KCNJ3: variants seen among roughly 807,000 people sequenced by gnomAD.
The protein encoded by KCNJ3 is potassium inwardly rectifying channel subfamily J member 3.
KCNJ3 carries 4 observed loss-of-function variants against 39.2 expected under a neutral mutation model. The ratio of observed to expected loss-of-function variants is 0.10; its 90% confidence interval spans 0.05 to 0.23. The LOEUF is 0.23. Ranked by LOEUF, KCNJ3 falls within the 10% of genes least tolerant of loss-of-function variation. The probability of loss-of-function intolerance (pLI) is 1.00; values close to 1 mark genes in which losing one functional copy is unlikely to be tolerated. For missense variants in KCNJ3, 276 were observed against 634.9 expected, an observed-to-expected ratio of 0.43 and a Z score of 6.08; for synonymous variants, 230 against 237.4, an observed-to-expected ratio of 0.97 and a Z score of 0.29.
rs187420812 is a variant in KCNJ3 at position 154,793,947 on chromosome 2, T to A, written c.920-60780T>A. Among the ~76,000 whole-genome samples, 380 of 151,756 alleles carry A rather than the reference T, an allele frequency of 2.5e-3. 2 individuals are homozygous for A. The highest frequency in any genetic ancestry group is 7.3e-3 in the African/African-American group (303 of 41,440). On this transcript the variant is annotated intron_variant, in intron 2 of 2. Transcript: ENST00000295101. ...CCCAAACATTATGGTATATATATAT[T>A]TTTTTTTCCTGAAGCAAATGCCTTG...
intron 2 of KCNJ3, among the ~76,000 whole-genome samples, chr2:154,759,385 C>A (rs1358217176): frequency 6.6e-6 from 1 of 150,892 alleles, no homozygotes; most frequent in Non-Finnish European, 1.5e-5. Flanking sequence ...TGCAATATAC[C>A]TAAAGGACCT....
At chr2:154,833,767 G>A (rs1687402857) in intron 2 of KCNJ3, among the ~76,000 whole-genome samples, 1 of 152,082 alleles carries the variant, frequency 6.6e-6, no homozygotes, top group South Asian at 2.1e-4. Flanking sequence ...TTTCTAGAAT[G>A]TTATATAGTT....
At chr2:154,735,671 A>T (rs1488018788) in intron 2 of KCNJ3, among the ~76,000 whole-genome samples, 1 of 152,180 alleles carries the variant, frequency 6.6e-6, no homozygotes, top group African/African-American at 2.4e-5. Context: ...TAAAAATGGA[A>T]CTAGACATAC....
chr2:154,795,540 A>G (rs1686707445), intron 2 of KCNJ3, among the ~76,000 whole-genome samples: 1 of 152,034 alleles, frequency 6.6e-6, no homozygotes, highest in Non-Finnish European at 1.5e-5. Flanking sequence ...TAAATCAGTA[A>G]TCTGTTGCAG....
At chr2:154,822,812 A>C (rs1687207038) in intron 2 of KCNJ3, among the ~76,000 whole-genome samples, 1 of 152,050 alleles carries the variant, frequency 6.6e-6, no homozygotes, top group Admixed American at 6.6e-5. Context: ...AGTTGAATAA[A>C]ATAATCTGAT....
At chr2:154,824,062 G>T (rs1458522742) in intron 2 of KCNJ3, among the ~76,000 whole-genome samples, 3 of 151,940 alleles carry the variant, frequency 2.0e-5, no homozygotes, top group African/African-American at 7.2e-5. Flanking sequence ...GCCTGATGTA[G>T]TGTGGCTCAC....
At chr2:154,718,373 T>G (rs895489464) in intron 2 of KCNJ3, among the ~76,000 whole-genome samples, 2 of 152,168 alleles carry the variant, frequency 1.3e-5, no homozygotes, top group Non-Finnish European at 2.9e-5. Flanking sequence ...TGTAGAAATT[T>G]TCTGCAGACT....
At chr2:154,841,300 T>C (rs1241881155) in intron 2 of KCNJ3, among the ~76,000 whole-genome samples, 1 of 152,172 alleles carries the variant, frequency 6.6e-6, no homozygotes, top group East Asian at 1.9e-4. Context: ...TTGTGGTGGA[T>C]AAGCTTTTTG....
At chr2:154,762,918 T>A (rs1342882832) in intron 2 of KCNJ3, among the ~76,000 whole-genome samples, 1 of 152,182 alleles carries the variant, frequency 6.6e-6, no homozygotes, top group Admixed American at 6.5e-5. Context: ...GAGGAGTGGA[T>A]AAAATGCCTT....
At chr2:154,809,839 C>T (rs1574470559) in intron 2 of KCNJ3, among the ~76,000 whole-genome samples, 1 of 151,826 alleles carries the variant, frequency 6.6e-6, no homozygotes, top group Non-Finnish European at 1.5e-5. Context: ...AAAGAAATAA[C>T]ATTGTCTATT....
chr2:154,732,798 G>C (rs755340531), intron 2 of KCNJ3, among the ~76,000 whole-genome samples: 1 of 152,028 alleles, frequency 6.6e-6, no homozygotes, highest in Non-Finnish European at 1.5e-5. Context: ...AAACAATCTG[G>C]CAAGATATCA....
chr2:154,777,947 C>A (rs1450868912), intron 2 of KCNJ3, among the ~76,000 whole-genome samples: 1 of 152,098 alleles, frequency 6.6e-6, no homozygotes, highest in Non-Finnish European at 1.5e-5. Context: ...GTTCAATAAA[C>A]CACTTCATCT....
chr2:154,777,659 C>T (rs1416364139), intron 2 of KCNJ3, among the ~76,000 whole-genome samples: 1 of 152,082 alleles, frequency 6.6e-6, no homozygotes, highest in Non-Finnish European at 1.5e-5. Flanking sequence ...GTGGTATATC[C>T]TGTTTAAATA....
chr2:154,809,377 G>C (rs1220075226), intron 2 of KCNJ3, among the ~76,000 whole-genome samples: 4 of 152,174 alleles, frequency 2.6e-5, no homozygotes, highest in African/African-American at 4.8e-5. Context: ...GAGAAGAGCA[G>C]TGAATGATCT....
chr2:154,849,201 G>A (rs767101768), intron 2 of KCNJ3, among the ~76,000 whole-genome samples: 6 of 152,112 alleles, frequency 3.9e-5, no homozygotes, highest in Admixed American at 6.5e-5. Flanking sequence ...TCTCTTCCTC[G>A]AAGAGTTGTG....
At chr2:154,807,999 C>T (rs888282248) in intron 2 of KCNJ3, among the ~76,000 whole-genome samples, 1 of 152,068 alleles carries the variant, frequency 6.6e-6, no homozygotes, top group African/African-American at 2.4e-5. Context: ...TACCCATAAA[C>T]TCAACTTTTC....
At chr2:154,720,068 C>A (rs1437302936) in intron 2 of KCNJ3, among the ~76,000 whole-genome samples, 1 of 152,002 alleles carries the variant, frequency 6.6e-6, no homozygotes, top group Non-Finnish European at 1.5e-5. Context: ...ATTGAAAATA[C>A]ATGTTCAATG....
chr2:154,843,465 T>G (rs567895855), intron 2 of KCNJ3, among the ~76,000 whole-genome samples: 8 of 152,312 alleles, frequency 5.3e-5, no homozygotes, highest in African/African-American at 1.9e-4. Flanking sequence ...CTGTATTTCC[T>G]GAATTTGAAT....
chr2:154,814,645 AT>A (rs1259578940), intron 2 of KCNJ3, among the ~76,000 whole-genome samples: 2 of 152,192 alleles, frequency 1.3e-5, no homozygotes, highest in African/African-American at 4.8e-5. Flanking sequence ...CTCAAAAAAA[AT>A]AAATAAATAA....
Sources: gnomAD v4.1 joint callset for allele counts (sites outside exome capture counted in the v4.1 genomes callset) on GRCh38, gnomAD v4.1.1 for gene constraint, MANE v1.5 for transcripts, NCBI Gene and HGNC (gene_info 2026-07-23, HGNC 2026-07-21) for gene names.